CACUL1: variants seen among roughly 807,000 people sequenced by gnomAD.
The protein encoded by CACUL1 is CDK2 associated cullin domain 1, also known as CDK2-associated and cullin domain-containing protein 1.
A neutral mutation model predicts 45.2 loss-of-function variants in CACUL1; 13 were observed. That is an observed-to-expected ratio of 0.29 (90% CI 0.19 to 0.46). The LOEUF is 0.46. CACUL1 is among the 20% of genes least tolerant of loss of function. CACUL1 has a pLI of 1.00. For synonymous variants in CACUL1, 197 were observed against 174.2 expected, an observed-to-expected ratio of 1.13 and a Z score of -1.03; for missense variants, 421 against 471.4, an observed-to-expected ratio of 0.89 and a Z score of 0.99.
At chr10:118,752,345 A>G (rs1845907139) in intron 1 of CACUL1, among the ~76,000 whole-genome samples, 2 of 152,158 alleles carry the variant, frequency 1.3e-5, no homozygotes, top group Admixed American at 1.3e-4. Flanking sequence ...TAGGTTACCA[A>G]GAGTTTTTAT....
At chr10:118,748,076 T>A (rs1246633308) in intron 1 of CACUL1, among the ~76,000 whole-genome samples, 2 of 151,700 alleles carry the variant, frequency 1.3e-5, no homozygotes, top group African/African-American at 4.8e-5. Context: ...CAGAGTGAGA[T>A]CCCATCTCCA....
chr10:118,754,283 A>T (rs1313352385), intron 1 of CACUL1, 113 bp downstream of exon 1: 1 of 1,400,442 alleles, frequency 7.1e-7, no homozygotes, highest in African/African-American at 1.5e-5. Context: ...CGGGGAGAAG[A>T]GGAAAGACCG....
Position 118,738,892 on chromosome 10 carries a change from TAAAAAAAAAA to T in CACUL1, c.368-8492_368-8483del, listed in dbSNP as rs150393133. ...AAAAAAGAAGTAATCCAAGTGCTCT[TAAAAAAAAAA>T]AAAAAAAAAAAAAGCCTGGGCGCTG... On this transcript the variant is annotated intron_variant, in intron 1 of 8. Transcript: ENST00000369151. Among the ~76,000 whole-genome samples, 11 of 62,270 alleles carry T rather than the reference TAAAAAAAAAA, an allele frequency of 1.8e-4. No individual in the cohort carries two copies. The Admixed American group carries it at 2.3e-3, about 13-fold the overall frequency. The allele number at this position is 62,270 out of a possible 152,430, so 40.9% of individuals were successfully genotyped here.
At chr10:118,737,520 G>A (rs552981611) in intron 1 of CACUL1, among the ~76,000 whole-genome samples, 41 of 152,116 alleles carry the variant, frequency 2.7e-4, no homozygotes, top group Admixed American at 2.0e-3. Context: ...CATACCAGCC[G>A]TATAAAACCT....
intron 5 of CACUL1, among the ~76,000 whole-genome samples, chr10:118,698,080 T>C (rs1421019519): frequency 1.3e-5 from 2 of 152,124 alleles, no homozygotes; most frequent in East Asian, 3.9e-4. Flanking sequence ...TAACAGACAG[T>C]ATTCATTTTA....
At chr10:118,751,181 C>T (rs1239491477) in intron 1 of CACUL1, among the ~76,000 whole-genome samples, 1 of 152,076 alleles carries the variant, frequency 6.6e-6, no homozygotes, top group Non-Finnish European at 1.5e-5. Flanking sequence ...GATCATCATC[C>T]CTTGTTAATT....
At chr10:118,737,667 A>G (rs1378303902) in intron 1 of CACUL1, among the ~76,000 whole-genome samples, 1 of 145,904 alleles carries the variant, frequency 6.9e-6, no homozygotes, top group East Asian at 2.0e-4. Flanking sequence ...AATAGTAGAA[A>G]CCTCCTTCAT....
intron 3 of CACUL1, among the ~76,000 whole-genome samples, chr10:118,713,200 C>T (rs1302336357): frequency 6.6e-6 from 1 of 152,244 alleles, no homozygotes; most frequent in East Asian, 1.9e-4. Context: ...TGCGACAGCA[C>T]CTGGGCTCGC....
intron 1 of CACUL1, among the ~76,000 whole-genome samples, chr10:118,745,574 G>C (rs553197693): frequency 1.3e-5 from 2 of 151,910 alleles, no homozygotes; most frequent in South Asian, 2.1e-4. Context: ...AAAAAAAATG[G>C]AGACAGGAAA....
At chr10:118,724,225 C>G (rs1845629556) in intron 3 of CACUL1, among the ~76,000 whole-genome samples, 1 of 152,184 alleles carries the variant, frequency 6.6e-6, no homozygotes, top group Admixed American at 6.5e-5. Flanking sequence ...TGTCAAAGCT[C>G]TATTAAATTT....
At chr10:118,734,910 C>A (rs1201330283) in intron 1 of CACUL1, among the ~76,000 whole-genome samples, 1 of 152,166 alleles carries the variant, frequency 6.6e-6, no homozygotes, top group East Asian at 1.9e-4. Flanking sequence ...TGCTGATAAA[C>A]AGGAAACCAT....
intron 4 of CACUL1, among the ~76,000 whole-genome samples, chr10:118,705,744 A>T (rs1163064370): frequency 6.6e-6 from 1 of 152,210 alleles, no homozygotes; most frequent in African/African-American, 2.4e-5. Flanking sequence ...ATTTAAAAAA[A>T]TTTGTTTCTG....
Position 118,726,002 on chromosome 10 carries a change from G to A in CACUL1, c.597+3293C>T, listed in dbSNP as rs181594012. ...CTTGACTGAGGCTGACGCCCTGTAG[G>A]TCCAAATCATTGATTTATCAACTCC... On this transcript the variant is annotated intron_variant, in intron 3 of 8. Coordinates refer to ENST00000369151, the MANE Select transcript of CACUL1 (RefSeq NM_153810.5). Among the ~76,000 whole-genome samples, 425 of 152,228 alleles carry A rather than the reference G, an allele frequency of 2.8e-3. 1 individual carries two copies. The highest frequency in any genetic ancestry group is 9.2e-3 in the African/African-American group (384 of 41,530).
intron 5 of CACUL1, among the ~76,000 whole-genome samples, chr10:118,699,968 T>C (rs1217021516): frequency 2.6e-5 from 4 of 152,006 alleles, no homozygotes; most frequent in African/African-American, 9.7e-5. Flanking sequence ...TTAAAGATGT[T>C]GATAAACATC....
intron 1 of CACUL1, among the ~76,000 whole-genome samples, chr10:118,743,180 C>T (rs1362965417): frequency 6.6e-6 from 1 of 151,286 alleles, no homozygotes; most frequent in East Asian, 1.9e-4. Flanking sequence ...AACTAAAGCA[C>T]AGAGAGTAAA....
At chr10:118,729,071 G>GTTC in intron 3 of CACUL1, 1 of 450,886 alleles carries the variant, frequency 2.2e-6, no homozygotes, top group Non-Finnish European at 3.9e-6. Context: ...AATCAGTTAA[G>GTTC]GTCTGAAATA....
At position 118,718,901 on chromosome 10, in the gene CACUL1, G is replaced by T. The variant is rs1845573258; in HGVS notation, c.597+10394C>A. Reference sequence around the variant, plus strand: ...GCATGCCCATTTCTAAGCAGAAACTGTTCTTTTTAAGCTAAACTGTTCTTT... The same window carrying T: ...GCATGCCCATTTCTAAGCAGAAACTTTTCTTTTTAAGCTAAACTGTTCTTT... On this transcript the variant is annotated intron_variant, in intron 3 of 8. Coordinates refer to ENST00000369151, the MANE Select transcript of CACUL1 (RefSeq NM_153810.5). Among the ~76,000 whole-genome samples, 2 of 152,148 alleles carry T rather than the reference G, an allele frequency of 1.3e-5. 1 individual carries two copies. The highest frequency in any genetic ancestry group is 2.9e-5 in the Non-Finnish European group (2 of 68,032).
At chr10:118,724,950 T>C (rs763382789) in intron 3 of CACUL1, among the ~76,000 whole-genome samples, 3 of 152,058 alleles carry the variant, frequency 2.0e-5, no homozygotes, top group Non-Finnish European at 2.9e-5. Flanking sequence ...GGTCCTAATG[T>C]TAGGGTCCTG....
At chr10:118,739,422 G>GA (rs1190356246) in intron 1 of CACUL1, among the ~76,000 whole-genome samples, 1 of 152,088 alleles carries the variant, frequency 6.6e-6, no homozygotes, top group Non-Finnish European at 1.5e-5. Flanking sequence ...TTCTCAAGGG[G>GA]AAAAAACGAA....
Sources: allele counts gnomAD v4.1 joint callset (sites outside exome capture counted in the v4.1 genomes callset), GRCh38; gene constraint gnomAD v4.1.1; transcripts MANE v1.5; gene names NCBI Gene and HGNC (gene_info 2026-07-23, HGNC 2026-07-21).